CUX1: variants seen among roughly 807,000 people sequenced by gnomAD.
CUX1 encodes the protein protein CASP.
Under a neutral mutation model 158.8 loss-of-function variants are expected in CUX1, and 31 were observed. The observed-to-expected ratio is 0.20, with a 90% CI of 0.15 to 0.26. The LOEUF is 0.26. CUX1 is among the 10% of genes least tolerant of loss of function. The pLI, the probability that CUX1 is intolerant of heterozygous loss-of-function variation, is 1.00. For missense variants in CUX1, 1,589 were observed against 2,014.6 expected, an observed-to-expected ratio of 0.79 and a Z score of 4.04; for synonymous variants, 879 against 862.1, an observed-to-expected ratio of 1.02 and a Z score of -0.34.
In CUX1 at chr7:102,252,483, A is replaced by C. The variant is rs1362157747; in HGVS notation, c.*3441A>C. On this transcript the variant is annotated 3_prime_UTR_variant, in exon 24 of 24. Transcript: ENST00000292535. Reference sequence around the variant, plus strand: ...ATATAAAACACTAACACTTAATTACAAGCTCCATTATGCCATTTTAAATGG... The same window carrying C: ...ATATAAAACACTAACACTTAATTACCAGCTCCATTATGCCATTTTAAATGG... 2 of 985,334 alleles carry C rather than the reference A, an allele frequency of 2.0e-6. No homozygotes were observed. Among genetic ancestry groups the C allele is most frequent in the Admixed American group, 1.2e-4 (2 of 16,264 alleles). 61.0% of individuals were successfully genotyped at this position (985,334 alleles called of 1,614,324 possible). A position where few individuals can be genotyped will look rare whatever the true frequency, so the allele number is the denominator to read the frequency against.
At chr7:102,085,131 T>A (rs1434871291) in intron 4 of CUX1, among the ~76,000 whole-genome samples, 2 of 152,178 alleles carry the variant, frequency 1.3e-5, no homozygotes, top group Non-Finnish European at 2.9e-5. Flanking sequence ...ATCATATGAT[T>A]TTCCTCCTTT....
chr7:101,861,768 C>CT (rs758378015), intron 1 of CUX1, among the ~76,000 whole-genome samples: 448 of 145,276 alleles, frequency 3.1e-3, no homozygotes, highest in African/African-American at 7.3e-3. Flanking sequence ...TCACCCCTAA[C>CT]TTTTTTTTTT....
chr7:102,235,153 G>T (rs1236620917), intron 22 of CUX1, among the ~76,000 whole-genome samples: 1 of 152,202 alleles, frequency 6.6e-6, no homozygotes, highest in Non-Finnish European at 1.5e-5. Context: ...CAGCCTGTAG[G>T]CTACAGCATA....
At chr7:101,989,000 A>T (rs1358084068) in intron 2 of CUX1, among the ~76,000 whole-genome samples, 3 of 147,222 alleles carry the variant, frequency 2.0e-5, no homozygotes, top group Non-Finnish European at 4.4e-5. Flanking sequence ...TCTCAAAAAA[A>T]AAATAATAAT....
intron 2 of CUX1, among the ~76,000 whole-genome samples, chr7:102,010,471 C>T (rs1205739233): frequency 6.6e-6 from 1 of 151,226 alleles, no homozygotes; most frequent in Non-Finnish European, 1.5e-5. Context: ...GTGAACCATG[C>T]ATAGCATCTC....
At chr7:101,863,495 C>T (rs747463461) in intron 1 of CUX1, among the ~76,000 whole-genome samples, 2 of 152,040 alleles carry the variant, frequency 1.3e-5, no homozygotes, top group Non-Finnish European at 2.9e-5. Context: ...GGATTATAGG[C>T]ATGTGCCACC....
At chr7:101,818,560 G>A (rs1792131810) in intron 1 of CUX1, among the ~76,000 whole-genome samples, 1 of 152,156 alleles carries the variant, frequency 6.6e-6, no homozygotes, top group Non-Finnish European at 1.5e-5. Context: ...TTCCATGTCA[G>A]TTTACTTGCA....
intron 21 of CUX1, among the ~76,000 whole-genome samples, chr7:102,233,194 T>C (rs1391530881): frequency 7.8e-5 from 2 of 25,796 alleles, no homozygotes. Flanking sequence ...TTTTTTTTTT[T>C]TTTTTTGAGA....
Position 102,111,739 on chromosome 7 carries a change from A to G in CUX1, c.572A>G (p.Glu191Gly). 1 of 1,614,206 alleles carries G rather than the reference A, an allele frequency of 6.2e-7. No homozygotes were observed. The highest frequency in any genetic ancestry group is 8.5e-7 in the Non-Finnish European group (1 of 1,180,008). The part of the protein sequence containing the change: ...ETQMSTTSKL[E>G]EAEHKVQSLQ... The stretch of plus-strand genomic sequence containing the variant: ...CAGATGTCCACCACCTCAAAGCTGG[A>G]GGAAGCTGAGCATAAGGTTCAGAGC... The change falls in exon 7 of 24, where the codon GAG (glutamate) becomes GGG (glycine). Residue 191 changes from glutamate (E) to glycine (G), a missense_variant. Physicochemically the swap from Glu to Gly is moderately conservative, Grantham distance 98. Coordinates refer to ENST00000292535, the MANE Select transcript of CUX1 (RefSeq NM_181552.4).
chr7:102,278,015 A>G, exon 18 of CUX1: 1 of 1,590,842 alleles, frequency 6.3e-7, no homozygotes, highest in Non-Finnish European at 8.6e-7. Flanking sequence ...GCGCGCCGAC[A>G]ACATCAAGCT....
intron 2 of CUX1, among the ~76,000 whole-genome samples, chr7:101,985,989 T>C (rs2129228800): frequency 6.6e-6 from 1 of 152,288 alleles, no homozygotes; most frequent in East Asian, 1.9e-4. Context: ...TTCCAGAGTG[T>C]CTCTGTTTTG....
chr7:101,922,763 C>T (rs1183916585), intron 2 of CUX1, among the ~76,000 whole-genome samples: 1 of 152,102 alleles, frequency 6.6e-6, no homozygotes, highest in African/African-American at 2.4e-5. Flanking sequence ...GGGCTGGGTG[C>T]TGGGGAGTGG....
At chr7:101,984,076 C>A (rs574610788) in intron 2 of CUX1, among the ~76,000 whole-genome samples, 190 of 6,082 alleles carry the variant, frequency 0.031, 11 homozygotes, top group Middle Eastern at 0.3. Context: ...CTGTCCCCCC[C>A]CAAAAAAAAA....
At chr7:102,247,751 T>C (rs1402291589) in intron 23 of CUX1, among the ~76,000 whole-genome samples, 3 of 152,218 alleles carry the variant, frequency 2.0e-5, no homozygotes, top group South Asian at 2.1e-4. Context: ...AGCCCAGTAG[T>C]TGGAGGCTGC....
At position 102,036,763 on chromosome 7, in the gene CUX1, A is replaced by AC. The variant is rs1204034752; in HGVS notation, c.189+8618_189+8619insC. On this transcript the variant is annotated intron_variant, in intron 3 of 23. Transcript: ENST00000292535. ...TCTCAAAAAAACAAGCAAACAAACA[A>AC]AAAAAAAAAAAAACACCGGAATCTG... Among the ~76,000 whole-genome samples the AC allele has an allele frequency of 9.2e-4, 137 of 149,300 alleles. 1 individual carries two copies. The highest frequency in any genetic ancestry group is 3.0e-3 in the African/African-American group (122 of 40,744).
intron 4 of CUX1, among the ~76,000 whole-genome samples, chr7:102,083,539 C>A (rs1264062664): frequency 6.8e-6 from 1 of 147,210 alleles, no homozygotes; most frequent in East Asian, 1.9e-4. Flanking sequence ...CTCCTGGGCT[C>A]AAGCAGTCCT....
rs1457726540 is a variant in CUX1 at position 101,917,447 on chromosome 7, G to A, written c.141+1222G>A. 7.9e-5 allele frequency among the ~76,000 whole-genome samples: 12 copies of A among 152,216 alleles called. 1 individual carries two copies. Among genetic ancestry groups the A allele is most frequent in the East Asian group, 1.9e-4 (1 of 5,176 alleles). ...AAATCTCACACCCGCTGCTTGCCTC[G>A]GCTGCCCCTAAATGTGGGTACTCCA... On this transcript the variant is annotated intron_variant, in intron 2 of 23. Transcript: ENST00000292535.
At chr7:101,817,033 G>T (rs1329165752), upstream of CUX1, 10 of 984,464 alleles carry the variant, frequency 1.0e-5, no homozygotes, top group South Asian at 2.4e-4. This position sits in a 1 kb window ranked among gnomAD's most constrained non-coding sequence, Gnocchi z 4.1. Flanking sequence ...CCTCCGTGGC[G>T]GACCCCCGCG....
intron 6 of CUX1, among the ~76,000 whole-genome samples, chr7:102,106,093 T>C (rs1388960757): frequency 7.6e-5 from 10 of 131,306 alleles, no homozygotes; most frequent in African/African-American, 2.9e-4. Flanking sequence ...TTTTTTTTTT[T>C]TTTTTTTTTT....
Sources: gnomAD v4.1 joint callset for allele counts (sites outside exome capture counted in the v4.1 genomes callset) on GRCh38, gnomAD v4.1.1 for gene constraint, Gnocchi (gnomAD v3.1) non-coding constraint, MANE v1.5 for transcripts, NCBI Gene and HGNC (gene_info 2026-07-23, HGNC 2026-07-21) for gene names.